The following MYT1L variants were observed in gnomAD, a reference collection of about 807,000 sequenced individuals.
The protein encoded by MYT1L is myelin transcription factor 1-like protein.
Under a neutral mutation model 126.7 loss-of-function variants are expected in MYT1L, and 12 were observed. That is an observed-to-expected ratio of 0.09 (90% confidence interval 0.06 to 0.15). The LOEUF is 0.15. MYT1L is among the 10% of genes least tolerant of loss of function. The probability of loss-of-function intolerance (pLI) is 1.00; values close to 1 mark genes in which losing one functional copy is unlikely to be tolerated. For synonymous variants in MYT1L, 541 were observed against 604.2 expected, an observed-to-expected ratio of 0.90 and a Z score of 1.53; for missense variants, 979 against 1,585.2, an observed-to-expected ratio of 0.62 and a Z score of 6.49.
Position 2,228,661 on chromosome 2 carries a change from A to G in MYT1L, c.-420-55673T>C, listed in dbSNP as rs2094081261. Among the ~76,000 whole-genome samples the G allele has an allele frequency of 6.6e-6, 1 of 152,190 alleles. No individual in the cohort carries two copies. Among genetic ancestry groups the G allele is most frequent in the Admixed American group, 6.5e-5 (1 of 15,282 alleles). ...ACCCACTTTGTCTATAAAACATTAA[A>G]ATAGAACCATTTATATAACTTAGCA... On this transcript the variant is annotated intron_variant, in intron 2 of 24. Coordinates refer to ENST00000647738, the MANE Select transcript of MYT1L (RefSeq NM_001303052.2). This position sits in a 1 kb window ranked among gnomAD's most constrained non-coding sequence, Gnocchi z 5.9.
chr2:1,842,883 G>A (rs1365596846), intron 19 of MYT1L: 1 of 140,318 alleles, frequency 7.1e-6, no homozygotes, highest in Non-Finnish European at 1.5e-5. Context: ...GCTTCCAGGC[G>A]CTTCCGCTTC....
chr2:1,949,446 G>T (rs2057539913), intron 8 of MYT1L, among the ~76,000 whole-genome samples: 1 of 151,550 alleles, frequency 6.6e-6, no homozygotes, highest in African/African-American at 2.4e-5. Flanking sequence ...TTTTGCTGTT[G>T]TAGCTTTCAC....
chr2:2,199,296 C>T (rs1005843388), intron 2 of MYT1L, among the ~76,000 whole-genome samples: 28 of 152,258 alleles, frequency 1.8e-4, no homozygotes, highest in Non-Finnish European at 3.4e-4. Flanking sequence ...AGTTAACCAA[C>T]GTTTTCAGAA....
intron 4 of MYT1L, among the ~76,000 whole-genome samples, chr2:2,051,230 G>C (rs760327566): frequency 6.6e-6 from 1 of 152,144 alleles, no homozygotes; most frequent in Non-Finnish European, 1.5e-5. Context: ...AGTATTCCAC[G>C]TCCATTACTT....
chr2:2,076,851 C>T lies in MYT1L; in HGVS notation c.-303-22728G>A, dbSNP rs2075284957. On this transcript the variant is annotated intron_variant, in intron 3 of 24. Transcript: ENST00000647738. The stretch of plus-strand genomic sequence containing the variant: ...GAGAAAAAAGTTAACTGAAAATGTC[C>T]CTGAAAGGGCTCAGATTTGGGACTT... Among the ~76,000 whole-genome samples, 3 of 151,964 alleles carry T rather than the reference C, an allele frequency of 2.0e-5. No individual in the cohort carries two copies. In the South Asian group the frequency reaches 6.2e-4, roughly 31 times the overall value.
intron 3 of MYT1L, among the ~76,000 whole-genome samples, chr2:2,171,888 A>T (rs1559219523): frequency 6.6e-6 from 1 of 152,186 alleles, no homozygotes; most frequent in Non-Finnish European, 1.5e-5. Flanking sequence ...TCAGACAGGC[A>T]AATGGGGCGG....
chr2:2,327,616 T>A (rs373375797), intron 1 of MYT1L, among the ~76,000 whole-genome samples: 256 of 152,204 alleles, frequency 1.7e-3, no homozygotes, highest in Non-Finnish European at 3.2e-3. Context: ...TACCATTCAT[T>A]TGCCTCCTGA....
chr2:2,183,322 TCA>T (rs1472161350), intron 2 of MYT1L, among the ~76,000 whole-genome samples: 2 of 151,956 alleles, frequency 1.3e-5, no homozygotes, highest in Non-Finnish European at 2.9e-5. Context: ...TGAAGCCTGG[TCA>T]CAGAGAGGCT....
chr2:1,944,268 T>C (rs558586096), intron 8 of MYT1L, among the ~76,000 whole-genome samples: 72 of 152,236 alleles, frequency 4.7e-4, no homozygotes, highest in Admixed American at 1.2e-3. Context: ...TGTGTGATTT[T>C]CCCCATCCTG....
intron 2 of MYT1L, among the ~76,000 whole-genome samples, chr2:2,266,059 C>T (rs2149313727): frequency 6.6e-6 from 1 of 152,328 alleles, no homozygotes; most frequent in East Asian, 1.9e-4. Context: ...CACAGCCCTT[C>T]ACAGCCTGCT....
intron 19 of MYT1L, among the ~76,000 whole-genome samples, chr2:1,844,470 G>A (rs1047573510): frequency 2.0e-5 from 3 of 152,130 alleles, no homozygotes; most frequent in African/African-American, 7.2e-5. Context: ...ACTTGCTATG[G>A]ACCCCAGAGT....
chr2:2,161,081 C>A (rs2087821493), intron 3 of MYT1L, among the ~76,000 whole-genome samples: 1 of 151,992 alleles, frequency 6.6e-6, no homozygotes, highest in Non-Finnish European at 1.5e-5. Flanking sequence ...ACTAGCCAGG[C>A]ATGGTGGTGC....
chr2:2,291,741 C>A (rs189166883), intron 1 of MYT1L, among the ~76,000 whole-genome samples: 1 of 152,342 alleles, frequency 6.6e-6, no homozygotes, highest in East Asian at 1.9e-4. Context: ...AGGCGCCGAG[C>A]CAGCCTGGCT....
At chr2:2,192,439 GGAT>G (rs2092635463) in intron 2 of MYT1L, among the ~76,000 whole-genome samples, 18 of 149,354 alleles carry the variant, frequency 1.2e-4, no homozygotes, top group Admixed American at 1.2e-3. Flanking sequence ...TTTTCATATA[GGAT>G]GATGCTTTCT....
intron 22 of MYT1L, among the ~76,000 whole-genome samples, chr2:1,802,581 G>A (rs954997579): frequency 2.7e-4 from 41 of 152,338 alleles, no homozygotes; most frequent in Admixed American, 2.7e-3. Flanking sequence ...TCCCTGGTGG[G>A]TGACTGCTGC....
intron 3 of MYT1L, among the ~76,000 whole-genome samples, chr2:2,114,892 C>T (rs1309620846): frequency 1.3e-5 from 2 of 152,228 alleles, no homozygotes; most frequent in African/African-American, 4.8e-5. Flanking sequence ...GTCCTGCCTG[C>T]CTGGAAGCCC....
chr2:1,904,795 T>C (rs1263461997), intron 13 of MYT1L, among the ~76,000 whole-genome samples: 2 of 138,296 alleles, frequency 1.4e-5, no homozygotes, highest in African/African-American at 3.1e-5. Flanking sequence ...CACGCCTGGC[T>C]AATTTTTTTT....
intron 4 of MYT1L, among the ~76,000 whole-genome samples, chr2:2,040,048 T>C (rs2067349330): frequency 6.6e-6 from 1 of 152,176 alleles, no homozygotes; most frequent in Non-Finnish European, 1.5e-5. Context: ...AATGGACTCT[T>C]GCACAACATC....
At chr2:2,234,475 A>G (rs978265088) in intron 2 of MYT1L, among the ~76,000 whole-genome samples, 3 of 152,220 alleles carry the variant, frequency 2.0e-5, no homozygotes, top group Admixed American at 6.5e-5. Flanking sequence ...TTATCTTTGG[A>G]TACATAATAT....
Sources: gnomAD v4.1 joint callset for allele counts (sites outside exome capture counted in the v4.1 genomes callset) on GRCh38, gnomAD v4.1.1 for gene constraint, Gnocchi (gnomAD v3.1) non-coding constraint, MANE v1.5 for transcripts, NCBI Gene and HGNC (gene_info 2026-07-23, HGNC 2026-07-21) for gene names.